The following CSMD1 variants were observed in gnomAD, a reference collection of about 807,000 sequenced individuals.
CSMD1 encodes CUB and sushi domain-containing protein 1.
In CSMD1, 213 loss-of-function variants were observed where a neutral mutation model predicts 417.5. That is an observed-to-expected ratio of 0.51 (90% CI 0.46 to 0.57). The LOEUF (loss-of-function observed/expected upper bound fraction) is 0.57, where lower values mean the gene tolerates loss of function less well. Among genes scored for constraint, CSMD1 ranks in the 20% least tolerant of loss-of-function variants. The pLI, the probability that CSMD1 is intolerant of heterozygous loss-of-function variation, is 0.00. For synonymous variants in CSMD1, 2,862 were observed against 1,736.8 expected (o/e 1.65, Z -16.11); for missense variants, 6,923 against 4,529.7 (o/e 1.53, Z -15.17).
intron 3 of CSMD1, among the ~76,000 whole-genome samples, chr8:4,071,935 C>A (rs1056671409): frequency 9.2e-5 from 14 of 152,120 alleles, no homozygotes; most frequent in Admixed American, 8.5e-4. Flanking sequence ...CTGGGCAGAA[C>A]CTGCAGCCAC....
intron 1 of CSMD1, among the ~76,000 whole-genome samples, chr8:4,928,896 C>G (rs951635963): frequency 6.6e-6 from 1 of 151,998 alleles, no homozygotes; most frequent in African/African-American, 2.4e-5. Context: ...TGGTGAAACC[C>G]CATCTCAACT....
chr8:3,633,273 T>A (rs1189659387), intron 7 of CSMD1, among the ~76,000 whole-genome samples: 1 of 152,186 alleles, frequency 6.6e-6, no homozygotes, highest in Non-Finnish European at 1.5e-5. Context: ...AAGTACCACA[T>A]AAAATTATGT....
intron 7 of CSMD1, among the ~76,000 whole-genome samples, chr8:3,663,241 G>A (rs2623625): frequency 0.75 from 114,361 of 152,058 alleles, 43,594 homozygotes; most frequent in African/African-American, 0.86. Context: ...TGAAGAGGCC[G>A]TTCTCCATGA....
chr8:4,873,336 T>G (rs1237427228), intron 1 of CSMD1, among the ~76,000 whole-genome samples: 2 of 152,130 alleles, frequency 1.3e-5, no homozygotes, highest in Non-Finnish European at 2.9e-5. Flanking sequence ...CAGTGAGATA[T>G]GTGTGTTTGG....
chr8:4,030,928 G>A (rs1479706235), intron 4 of CSMD1, among the ~76,000 whole-genome samples: 1 of 152,122 alleles, frequency 6.6e-6, no homozygotes, highest in Non-Finnish European at 1.5e-5. Context: ...GGGGCAAAAT[G>A]CCATCAGTCT....
intron 2 of CSMD1, among the ~76,000 whole-genome samples, chr8:4,503,722 G>C (rs1042754877): frequency 6.6e-6 from 1 of 152,100 alleles, no homozygotes. Context: ...CTGGAAATTA[G>C]GGGACAGAAA....
intron 26 of CSMD1, among the ~76,000 whole-genome samples, chr8:3,271,414 C>G (rs980783631): frequency 6.6e-6 from 1 of 151,726 alleles, no homozygotes; most frequent in African/African-American, 2.4e-5. Flanking sequence ...TTTATAGCAG[C>G]ATGATTTATA....
intron 3 of CSMD1, among the ~76,000 whole-genome samples, chr8:4,338,790 T>TTA: frequency 6.6e-6 from 1 of 152,208 alleles, no homozygotes; most frequent in Non-Finnish European, 1.5e-5. Context: ...CATATTGATA[T>TTA]TAGTTTAATG....
At position 4,766,709 on chromosome 8, in the gene CSMD1, C is replaced by G. The variant is rs187436567; in HGVS notation, c.86-129151G>C. ...GGAATGAACTCCGAACTCAGGCTTC[C>G]AAGTAAACAGAACCTCCACTAATCC... is the stretch of plus-strand genomic sequence containing the variant. On this transcript the variant is annotated intron_variant, in intron 1 of 69. Coordinates refer to ENST00000635120, the MANE Select transcript of CSMD1 (RefSeq NM_033225.6). 2.4e-3 allele frequency among the ~76,000 whole-genome samples: 372 copies of G among 152,300 alleles called. 3 individuals carry two copies. Among genetic ancestry groups the G allele is most frequent in the African/African-American group, 8.7e-3 (360 of 41,580 alleles).
chr8:4,582,590 C>T (rs1340403289), intron 2 of CSMD1, among the ~76,000 whole-genome samples: 1 of 152,194 alleles, frequency 6.6e-6, no homozygotes, highest in South Asian at 2.1e-4. Context: ...AGCTGAAGGT[C>T]ACTGAAGGGC....
intron 12 of CSMD1, among the ~76,000 whole-genome samples, chr8:3,417,961 C>G (rs908057857): frequency 6.6e-6 from 1 of 152,194 alleles, no homozygotes; most frequent in African/African-American, 2.4e-5. Context: ...TGACTCTCTC[C>G]TTGTCCGTCA....
intron 1 of CSMD1, among the ~76,000 whole-genome samples, chr8:4,905,221 A>G (rs945257256): frequency 6.6e-6 from 1 of 152,168 alleles, no homozygotes; most frequent in African/African-American, 2.4e-5. Flanking sequence ...ATTTTCATAC[A>G]GGCATTATCT....
intron 2 of CSMD1, among the ~76,000 whole-genome samples, chr8:4,594,858 C>T (rs1024368240): frequency 6.6e-6 from 1 of 152,122 alleles, no homozygotes; most frequent in African/African-American, 2.4e-5. Context: ...CTTAGTAAAT[C>T]TTCATCATGC....
intron 3 of CSMD1, among the ~76,000 whole-genome samples, chr8:4,399,549 A>T (rs1483738742): frequency 6.6e-6 from 1 of 152,120 alleles, no homozygotes; most frequent in African/African-American, 2.4e-5. Context: ...CTGGCCACCT[A>T]ACTGGCATAA....
In CSMD1 at chr8:3,843,547, A is replaced by AG. The variant is rs1394786216; in HGVS notation, c.819-89506_819-89505insC. 2.0e-5 allele frequency among the ~76,000 whole-genome samples: 3 copies of AG among 152,276 alleles called. No individual in the cohort carries two copies. The East Asian group carries it at 5.8e-4, about 29-fold the overall frequency. On this transcript the variant is annotated intron_variant, in intron 5 of 69. Transcript: ENST00000635120. ...GAAACTATATAAAAGTAAAAAAAAA[A>AG]CAAGTTATTCACGATGCTTTTATGT...
At chr8:3,615,560 T>C (rs1802095586) in intron 8 of CSMD1, among the ~76,000 whole-genome samples, 1 of 152,220 alleles carries the variant, frequency 6.6e-6, no homozygotes, top group East Asian at 1.9e-4. Flanking sequence ...CTTTGTATGC[T>C]TTTCATGTAA....
At chr8:3,610,508 G>T (rs149174654) in intron 8 of CSMD1, among the ~76,000 whole-genome samples, 1 of 87,774 alleles carries the variant, frequency 1.1e-5, no homozygotes, top group Non-Finnish European at 2.7e-5. Context: ...GTAACAGATT[G>T]TCTCTATAAA....
chr8:4,407,511 T>TTACAG lies in CSMD1; in HGVS notation c.415+12437_415+12441dup, dbSNP rs1448616394. Among the ~76,000 whole-genome samples, 5 of 152,328 alleles carry TTACAG rather than the reference T, an allele frequency of 3.3e-5. No homozygotes were observed. The East Asian group carries it at 9.6e-4, about 29-fold the overall frequency. The stretch of plus-strand genomic sequence containing the variant: ...AATTTCATTGTACTCTGTTGTATTT[T>TTACAG]TACAGTGTTTAAATTCAGAGTACAG... On this transcript the variant is annotated intron_variant, in intron 3 of 69. Coordinates refer to ENST00000635120, the MANE Select transcript of CSMD1 (RefSeq NM_033225.6).
chr8:4,390,497 T>TTTTTTTATTTATTTATGTATTTA (rs58291340), intron 3 of CSMD1, among the ~76,000 whole-genome samples: 16 of 140,324 alleles, frequency 1.1e-4, no homozygotes, highest in Non-Finnish European at 2.0e-4. Flanking sequence ...AAGCGTCCAT[T>TTTTTTTATTTATTTATGTATTTA]TTTATTTATT....
Sources: allele counts gnomAD v4.1 joint callset (sites outside exome capture counted in the v4.1 genomes callset), GRCh38; gene constraint gnomAD v4.1.1; transcripts MANE v1.5; gene names NCBI Gene and HGNC (gene_info 2026-07-23, HGNC 2026-07-21).